Variants in MBNL2 observed in about 807,000 individuals in gnomAD.
MBNL2 encodes muscleblind-like protein 2.
MBNL2 carries 17 observed loss-of-function variants against 41.9 expected under a neutral mutation model. That is an observed-to-expected ratio of 0.41 (90% CI 0.28 to 0.61). MBNL2 has a LOEUF of 0.61. Among genes scored for constraint, MBNL2 ranks in the 20% least tolerant of loss-of-function variants. The pLI is 0.35. For synonymous variants in MBNL2, 195 were observed against 182.9 expected (o/e 1.07, Z -0.53); for missense variants, 336 against 505.6 (o/e 0.66, Z 3.22).
At chr13:97,280,715 G>A (rs985838329) in intron 2 of MBNL2, among the ~76,000 whole-genome samples, 9 of 152,098 alleles carry the variant, frequency 5.9e-5, no homozygotes, top group African/African-American at 1.9e-4. Flanking sequence ...CTCCAGCCAC[G>A]CATCTTTGCT....
At chr13:97,205,241 T>C in the MBNL2 span, among the ~76,000 whole-genome samples, 3 of 145,076 alleles carry the variant, frequency 2.1e-5, no homozygotes, top group East Asian at 5.9e-4. Flanking sequence ...TATATATAAA[T>C]TAGTACCTGC....
At chr13:97,174,497 T>C in the MBNL2 span, among the ~76,000 whole-genome samples, 5 of 152,204 alleles carry the variant, frequency 3.3e-5, no homozygotes. Flanking sequence ...AAAAAGAGGA[T>C]GGATAAGTGG....
intron 1 of MBNL2, 24 bp downstream of exon 1, chr13:97,222,555 T>A: frequency 5.0e-6 from 2 of 398,202 alleles, no homozygotes; most frequent in Non-Finnish European, 8.9e-6. Flanking sequence ...CCCCCTTTTT[T>A]GAATGTTTAA....
the MBNL2 span, among the ~76,000 whole-genome samples, chr13:97,178,714 G>A: frequency 6.6e-6 from 1 of 152,058 alleles, no homozygotes; most frequent in African/African-American, 2.4e-5. Context: ...TGGGCATCAT[G>A]GTGAGACCCT....
chr13:97,229,781 C>G (rs1290141308), intron 1 of MBNL2, among the ~76,000 whole-genome samples: 3 of 152,132 alleles, frequency 2.0e-5, no homozygotes, highest in Non-Finnish European at 4.4e-5. Context: ...ATTTCATTAC[C>G]TATAACATCA....
chr13:97,356,879 A>C, intron 6 of MBNL2, 30 bp downstream of exon 6: 1 of 1,331,418 alleles, frequency 7.5e-7, no homozygotes, highest in South Asian at 1.2e-5. Flanking sequence ...TTCGCTTTGC[A>C]TGTAGCTTTT....
chr13:97,165,156 A>T, the MBNL2 span, among the ~76,000 whole-genome samples: 16 of 152,164 alleles, frequency 1.1e-4, no homozygotes, highest in Non-Finnish European at 2.4e-4. Context: ...GTGAGCCGAG[A>T]TCATGCCACT....
chr13:97,299,291 G>A (rs1385829484), intron 2 of MBNL2, among the ~76,000 whole-genome samples: 1 of 152,080 alleles, frequency 6.6e-6, no homozygotes, highest in East Asian at 1.9e-4. Context: ...AGGGAACTAT[G>A]CACTATCATA....
At chr13:97,164,803 T>G in the MBNL2 span, among the ~76,000 whole-genome samples, 2 of 152,242 alleles carry the variant, frequency 1.3e-5, no homozygotes, top group African/African-American at 4.8e-5. Context: ...GCTCCTGGTC[T>G]GATGCCCATC....
the MBNL2 span, among the ~76,000 whole-genome samples, chr13:97,186,854 T>C: frequency 6.6e-6 from 1 of 151,724 alleles, no homozygotes; most frequent in South Asian, 2.1e-4. Flanking sequence ...AAAAAGGGGG[T>C]GGAAAGGGTG....
chr13:97,252,846 AG>A (rs2046830889), intron 1 of MBNL2, among the ~76,000 whole-genome samples: 1 of 152,192 alleles, frequency 6.6e-6, no homozygotes, highest in Non-Finnish European at 1.5e-5. Context: ...CCTCTTTTCC[AG>A]TAGCTATGCC....
At chr13:97,184,201 GATATAGAGAGTATCA>G in the MBNL2 span, among the ~76,000 whole-genome samples, 1 of 152,168 alleles carries the variant, frequency 6.6e-6, no homozygotes, top group Admixed American at 6.5e-5. Context: ...TATCCTACAA[GATATAGAGAGTATCA>G]ATTTAGGAAA....
intron 2 of MBNL2, among the ~76,000 whole-genome samples, chr13:97,279,019 C>T (rs918264838): frequency 6.6e-5 from 10 of 152,182 alleles, no homozygotes; most frequent in African/African-American, 2.4e-4. Context: ...TGTAGCAACA[C>T]GCTGGCATAT....
intron 2 of MBNL2, among the ~76,000 whole-genome samples, chr13:97,290,569 G>A (rs1045472728): frequency 6.6e-6 from 1 of 151,944 alleles, no homozygotes; most frequent in Non-Finnish European, 1.5e-5. Context: ...CCAGCTACTC[G>A]GGAGGCTGAG....
chr13:97,276,303 A>G lies in MBNL2; in HGVS notation c.68A>G (p.Gln23Arg). The G allele has an allele frequency of 6.2e-7, 1 of 1,614,006 alleles. No individual in the cohort carries two copies. Residue 23 changes from glutamine to arginine, a missense_variant, in exon 2 of 9, where the codon CAA (glutamine) becomes CGA (arginine). Coordinates refer to ENST00000679496, the MANE Select transcript of MBNL2 (RefSeq NM_001382683.1). ...ACATTAGAAGTCTGCAGACAGTTTC[A>G]AAGAGGAACATGCTCACGCTCTGAT... ...WLTLEVCRQF[Q>R]RGTCSRSDEE...
At chr13:97,364,407 T>A (rs1363647775) in intron 7 of MBNL2, among the ~76,000 whole-genome samples, 1 of 152,156 alleles carries the variant, frequency 6.6e-6, no homozygotes, top group African/African-American at 2.4e-5. Context: ...CAGGCACTAC[T>A]CCTTTATCAT....
chr13:97,242,022 T>TCCCTAATTTAATGC (rs2044383976), intron 1 of MBNL2, among the ~76,000 whole-genome samples: 3 of 151,998 alleles, frequency 2.0e-5, no homozygotes, highest in Non-Finnish European at 4.4e-5. Context: ...TTGAGGACAC[T>TCCCTAATTTAATGC]TCCGATGCCT....
At chr13:97,319,123 T>G (rs1326966444) in intron 2 of MBNL2, among the ~76,000 whole-genome samples, 1 of 152,100 alleles carries the variant, frequency 6.6e-6, no homozygotes, top group East Asian at 1.9e-4. Flanking sequence ...AGAGCTTCAC[T>G]CTGGTAAGGA....
chr13:97,218,390 A>G (rs949785115), upstream of MBNL2, among the ~76,000 whole-genome samples: 1 of 148,796 alleles, frequency 6.7e-6, no homozygotes, highest in African/African-American at 2.5e-5. Context: ...AGCCTGGGCG[A>G]CAGAGCGAGA....
Sources: gnomAD v4.1 joint callset for allele counts (sites outside exome capture counted in the v4.1 genomes callset) on GRCh38, gnomAD v4.1.1 for gene constraint, MANE v1.5 for transcripts, NCBI Gene and HGNC (gene_info 2026-07-23, HGNC 2026-07-21) for gene names.